ZC3HAV1: variants seen among roughly 807,000 people sequenced by gnomAD.
ZC3HAV1 encodes zinc finger CCCH-type containing, antiviral 1.
ZC3HAV1 carries 41 observed loss-of-function variants against 86.6 expected under a neutral mutation model. That is an observed-to-expected ratio of 0.47 (90% CI 0.37 to 0.61). The LOEUF is 0.61. Among genes scored for constraint, ZC3HAV1 ranks in the 20% least tolerant of loss-of-function variants. The pLI is 0.00. For missense variants in ZC3HAV1, 964 were observed against 1,141.1 expected (o/e 0.84, Z 2.24); for synonymous variants, 421 against 432.1 (o/e 0.97, Z 0.32).
intron 1 of ZC3HAV1, among the ~76,000 whole-genome samples, chr7:139,107,106 A>G (rs35759206): frequency 2.6e-5 from 4 of 152,372 alleles, no homozygotes; most frequent in Non-Finnish European, 4.4e-5. Flanking sequence ...AAAAAACATA[A>G]CAAAGCCTTC....
chr7:139,086,065 G>A (rs896944490), intron 2 of ZC3HAV1, among the ~76,000 whole-genome samples: 2 of 151,696 alleles, frequency 1.3e-5, no homozygotes, highest in Non-Finnish European at 2.9e-5. Flanking sequence ...CAAATCTGCA[G>A]GGATAATTCC....
At chr7:139,096,219 G>T (rs933982652) in intron 1 of ZC3HAV1, among the ~76,000 whole-genome samples, 1 of 152,090 alleles carries the variant, frequency 6.6e-6, no homozygotes, top group African/African-American at 2.4e-5. Context: ...TCTCCATGTT[G>T]ATCAGGCTGG....
intron 8 of ZC3HAV1, 48 bp downstream of exon 8, chr7:139,064,831 G>C: frequency 6.2e-7 from 1 of 1,613,640 alleles, no homozygotes; most frequent in Non-Finnish European, 8.5e-7. Context: ...CGTGTACACT[G>C]CAGGCGGATT....
Position 139,076,351 on chromosome 7 carries a change from T to A in ZC3HAV1, c.1632A>T (p.Lys544Asn). The change falls in exon 6 of 13, where the codon AAA (lysine) becomes AAT (asparagine). Residue 544 changes from lysine to asparagine, a missense_variant. Physicochemically the swap from Lys to Asn is moderately conservative, Grantham distance 94 (BLOSUM62 0). Transcript: ENST00000242351. ...CCATGTGCTCAAAGTCCGTCCAGGT[T>A]TTACCAATAAGCATCTGCCACCGGT... ...LPYRWQMLIG[K>N]TWTDFEHMET... is the part of the protein sequence containing the mutation. 2 of 1,614,074 alleles carry A rather than the reference T, an allele frequency of 1.2e-6. No homozygotes were observed. Among genetic ancestry groups the A allele is most frequent in the Non-Finnish European group, 1.7e-6 (2 of 1,180,010 alleles).
chr7:139,077,165 A>G (rs1023368536), intron 5 of ZC3HAV1, among the ~76,000 whole-genome samples: 3 of 152,066 alleles, frequency 2.0e-5, no homozygotes, highest in South Asian at 2.1e-4. Context: ...CCAGTACCCA[A>G]TAGTCAGTTG....
At chr7:139,073,230 T>C (rs529919519) in intron 7 of ZC3HAV1, among the ~76,000 whole-genome samples, 2 of 151,994 alleles carry the variant, frequency 1.3e-5, no homozygotes, top group East Asian at 3.9e-4. Context: ...ACCCAGGAGA[T>C]GGAGGTTGCA....
At position 139,080,204 on chromosome 7, in the gene ZC3HAV1, C is replaced by G. The variant is rs935993514; in HGVS notation, c.737G>C (p.Arg246Thr). 3 of 1,614,190 alleles carry G rather than the reference C, an allele frequency of 1.9e-6. No homozygotes were observed. Among genetic ancestry groups the G allele is most frequent in the East Asian group, 2.2e-5 (1 of 44,888 alleles). Residue 246 changes from arginine (R) to threonine (T), a missense_variant, in exon 4 of 13, where the codon AGA becomes ACA. By Grantham distance (71) the Arg-to-Thr change is moderately conservative. Coordinates refer to ENST00000242351, the MANE Select transcript of ZC3HAV1 (RefSeq NM_020119.4). ...AAAGAACCGATCTCTACTCTTGCTTCTAGCCCTATATGCCATGTTTCTACG... is the reference window on the plus strand; with the variant it reads ...AAAGAACCGATCTCTACTCTTGCTTGTAGCCCTATATGCCATGTTTCTACG... ...SHRRNMAYRA[R>T]SKSRDRFFQG...
At chr7:139,056,946 G>A (rs759724913) in intron 9 of ZC3HAV1, among the ~76,000 whole-genome samples, 2 of 152,158 alleles carry the variant, frequency 1.3e-5, no homozygotes, top group Non-Finnish European at 2.9e-5. Context: ...ATAGGTTAAT[G>A]ATATTGTATT....
chr7:139,088,046 A>G (rs1460072264), intron 2 of ZC3HAV1, among the ~76,000 whole-genome samples: 1 of 150,268 alleles, frequency 6.7e-6, no homozygotes, highest in East Asian at 1.9e-4. Flanking sequence ...AAAAAAAAAA[A>G]AAAAAAAAAG....
rs950233189 is a variant in ZC3HAV1 at position 139,074,678 on chromosome 7, TGTAA to T, written c.1698-652_1698-649del. ...TCCATATAAATATTATATATAAATA[TGTAA>T]ATAAATACACACAGTTATATACCTG... On this transcript the variant is annotated intron_variant, in intron 6 of 12. Coordinates refer to ENST00000242351, the MANE Select transcript of ZC3HAV1 (RefSeq NM_020119.4). 4.0e-4 allele frequency among the ~76,000 whole-genome samples: 60 copies of T among 151,542 alleles called. 1 individual carries two copies. Among genetic ancestry groups the T allele is most frequent in the African/African-American group, 1.4e-3 (56 of 41,416 alleles).
At chr7:139,085,266 A>C (rs2130713385) in intron 2 of ZC3HAV1, among the ~76,000 whole-genome samples, 1 of 152,342 alleles carries the variant, frequency 6.6e-6, no homozygotes, top group East Asian at 1.9e-4. Context: ...TTCACAAATG[A>C]TGTTTTGGTA....
Position 139,079,880 on chromosome 7 carries a change from G to A in ZC3HAV1, c.1061C>T (p.Thr354Ile). 7 of 1,614,192 alleles carry A rather than the reference G, an allele frequency of 4.3e-6. No individual in the cohort carries two copies. Among genetic ancestry groups the A allele is most frequent in the Non-Finnish European group, 5.9e-6 (7 of 1,180,032 alleles). Residue 354 changes from threonine (T) to isoleucine (I), a missense_variant, in exon 4 of 13, where the codon ACA (threonine) becomes ATA (isoleucine). Transcript: ENST00000242351. The part of the protein sequence containing the change: ...PGSTYLASNS[T>I]SAPNWKSLTS... ...GAGGCTCTTCCAGTTGGGGGCTGAT[G>A]TTGAATTGGAAGCAAGGTAAGTGCT...
chr7:139,091,026 G>A (rs1268998542), intron 1 of ZC3HAV1, among the ~76,000 whole-genome samples: 2 of 152,068 alleles, frequency 1.3e-5, no homozygotes, highest in African/African-American at 4.8e-5. Context: ...TCCACCCTGT[G>A]ACCCTGGCTT....
At chr7:139,083,684 G>T in intron 3 of ZC3HAV1, 96 bp downstream of exon 3, 1 of 1,435,168 alleles carries the variant, frequency 7.0e-7, no homozygotes, top group Non-Finnish European at 9.1e-7. Flanking sequence ...CTGAGATCAC[G>T]CCACTGTACT....
intron 1 of ZC3HAV1, among the ~76,000 whole-genome samples, chr7:139,101,626 A>AAAG (rs1788242535): frequency 6.7e-6 from 1 of 148,768 alleles, no homozygotes; most frequent in Admixed American, 6.8e-5. Flanking sequence ...GTCTGTGTAG[A>AAAG]AAGTAGACAT....
chr7:139,080,668 A>G (rs2130707249), intron 3 of ZC3HAV1, among the ~76,000 whole-genome samples: 1 of 152,194 alleles, frequency 6.6e-6, no homozygotes. Flanking sequence ...AGTGAGGATC[A>G]GCTCTAGGAT....
chr7:139,052,026 T>C (rs1456062785), intron 12 of ZC3HAV1, among the ~76,000 whole-genome samples: 2 of 152,202 alleles, frequency 1.3e-5, no homozygotes, highest in Non-Finnish European at 2.9e-5. Context: ...CCCTCAAACA[T>C]TAAGCTAAGT....
At chr7:139,053,828 A>AAG in intron 11 of ZC3HAV1, 137 bp downstream of exon 11, 1 of 436,030 alleles carries the variant, frequency 2.3e-6, no homozygotes, top group Non-Finnish European at 2.9e-6. Flanking sequence ...TGATAGAATG[A>AAG]AAAAAAAAAA....
chr7:139,105,283 T>G (rs1266344101), intron 1 of ZC3HAV1, among the ~76,000 whole-genome samples: 2 of 152,160 alleles, frequency 1.3e-5, no homozygotes, highest in African/African-American at 2.4e-5. Context: ...CTAGTTATGT[T>G]ACTTTCAGTA....
Sources: allele counts gnomAD v4.1 joint callset (sites outside exome capture counted in the v4.1 genomes callset), GRCh38; gene constraint gnomAD v4.1.1; transcripts MANE v1.5; gene names NCBI Gene and HGNC (gene_info 2026-07-23, HGNC 2026-07-21).